Variants in KCNH5 observed in about 807,000 individuals in gnomAD.
KCNH5 encodes voltage-gated delayed rectifier potassium channel KCNH5.
Under a neutral mutation model 96.1 loss-of-function variants are expected in KCNH5, and 46 were observed. The ratio of observed to expected loss-of-function variants is 0.48; its 90% CI spans 0.38 to 0.61. The LOEUF (loss-of-function observed/expected upper bound fraction) is 0.61. Ranked by LOEUF, KCNH5 falls within the 20% of genes least tolerant of loss-of-function variation. KCNH5 has a pLI of 0.00. For missense variants in KCNH5, 907 were observed against 1,225.8 expected (o/e 0.74, Z 3.88); for synonymous variants, 439 against 449.8 (o/e 0.98, Z 0.30).
intron 10 of KCNH5, among the ~76,000 whole-genome samples, chr14:62,732,270 C>T (rs191051302): frequency 1.3e-5 from 2 of 152,256 alleles, no homozygotes; most frequent in East Asian, 1.9e-4. Flanking sequence ...TGAACACAAC[C>T]GTGCTTCTTT....
chr14:63,018,114 G>T (rs528102847), intron 1 of KCNH5, among the ~76,000 whole-genome samples: 1 of 152,078 alleles, frequency 6.6e-6, no homozygotes, highest in Non-Finnish European at 1.5e-5. Flanking sequence ...TCTGTTTGAA[G>T]CCACTAGGAA....
intron 7 of KCNH5, among the ~76,000 whole-genome samples, chr14:62,902,882 C>A (rs1888956678): frequency 6.6e-6 from 1 of 151,870 alleles, no homozygotes; most frequent in South Asian, 2.1e-4. Context: ...CCACCCCTGG[C>A]TAATTTTTTG....
chr14:62,806,347 C>T (rs1374152912), intron 8 of KCNH5, among the ~76,000 whole-genome samples: 2 of 152,074 alleles, frequency 1.3e-5, no homozygotes, highest in African/African-American at 2.4e-5. Context: ...GTGGACTTGA[C>T]CTGAATTCTC....
intron 7 of KCNH5, among the ~76,000 whole-genome samples, chr14:62,939,679 C>T (rs143232574): frequency 1.3e-5 from 2 of 152,278 alleles, no homozygotes; most frequent in African/African-American, 4.8e-5. Flanking sequence ...GTGGCTCATG[C>T]CTGTAATCTC....
chr14:62,864,921 C>T (rs922084684), intron 7 of KCNH5, among the ~76,000 whole-genome samples: 3 of 152,146 alleles, frequency 2.0e-5, no homozygotes, highest in African/African-American at 7.2e-5. Context: ...CATTGGGGCA[C>T]ATGAGAGGCT....
intron 6 of KCNH5, among the ~76,000 whole-genome samples, chr14:62,956,821 G>A (rs1185333337): frequency 6.6e-6 from 1 of 152,080 alleles, no homozygotes; most frequent in Admixed American, 6.6e-5. Context: ...CCCTTCTTAT[G>A]TACTTCTGCC....
chr14:62,912,028 A>T (rs1889167483), intron 7 of KCNH5, among the ~76,000 whole-genome samples: 1 of 126,270 alleles, frequency 7.9e-6, no homozygotes. Flanking sequence ...ACAGAGCGAG[A>T]CTCCTAATCA....
chr14:62,796,350 A>C (rs1886540702), intron 9 of KCNH5, among the ~76,000 whole-genome samples: 1 of 152,174 alleles, frequency 6.6e-6, no homozygotes, highest in Admixed American at 6.6e-5. Context: ...CTTAAAATAG[A>C]ATCTTAATTC....
At chr14:62,784,706 T>C (rs1886285949) in intron 9 of KCNH5, among the ~76,000 whole-genome samples, 1 of 152,192 alleles carries the variant, frequency 6.6e-6, no homozygotes, top group Non-Finnish European at 1.5e-5. Context: ...AATTTCTTCT[T>C]ACCAATATGG....
At chr14:62,838,089 G>T (rs1354929530) in intron 8 of KCNH5, among the ~76,000 whole-genome samples, 1 of 152,044 alleles carries the variant, frequency 6.6e-6, no homozygotes, top group African/African-American at 2.4e-5. Flanking sequence ...TTCTTCCTTG[G>T]CACCAAAAAT....
intron 8 of KCNH5, among the ~76,000 whole-genome samples, chr14:62,841,307 G>A (rs558455848): frequency 7.9e-5 from 12 of 152,134 alleles, no homozygotes; most frequent in East Asian, 5.8e-4. Flanking sequence ...AAAAAGTCTC[G>A]GAAGCATTAT....
intron 10 of KCNH5, among the ~76,000 whole-genome samples, chr14:62,731,987 G>C (rs1323263773): frequency 6.6e-6 from 1 of 152,174 alleles, no homozygotes; most frequent in Non-Finnish European, 1.5e-5. Flanking sequence ...AGAAACTCTA[G>C]CCATCAATAG....
intron 4 of KCNH5, among the ~76,000 whole-genome samples, chr14:62,999,108 C>T (rs1371170481): frequency 1.3e-5 from 2 of 152,146 alleles, no homozygotes. Context: ...GAGGAATCGC[C>T]ACACTGACTT....
intron 7 of KCNH5, among the ~76,000 whole-genome samples, chr14:62,891,689 CA>C (rs773277370): frequency 1.3e-4 from 20 of 152,146 alleles, no homozygotes; most frequent in African/African-American, 2.4e-5. Flanking sequence ...CTGCATCAAG[CA>C]AGTCTATTGA....
intron 10 of KCNH5, among the ~76,000 whole-genome samples, chr14:62,735,805 G>A (rs1464877135): frequency 6.6e-6 from 1 of 152,154 alleles, no homozygotes; most frequent in Non-Finnish European, 1.5e-5. Context: ...ATGGTTATTA[G>A]GATGGACCCT....
intron 3 of KCNH5, 50 bp downstream of exon 3, chr14:63,006,316 A>G: frequency 8.6e-7 from 1 of 1,169,306 alleles, no homozygotes; most frequent in South Asian, 1.3e-5. Flanking sequence ...CTTACCAAAC[A>G]TAATATTAAT....
At chr14:62,970,700 G>A (rs926808536) in intron 6 of KCNH5, among the ~76,000 whole-genome samples, 1 of 152,092 alleles carries the variant, frequency 6.6e-6, no homozygotes, top group South Asian at 2.1e-4. Context: ...TGCAACATTT[G>A]AGAGTCAGTT....
chr14:62,941,744 T>C (rs1450494578), intron 7 of KCNH5, among the ~76,000 whole-genome samples: 1 of 152,182 alleles, frequency 6.6e-6, no homozygotes, highest in Non-Finnish European at 1.5e-5. Flanking sequence ...AACATGTAAC[T>C]TAATATTATA....
intron 10 of KCNH5, among the ~76,000 whole-genome samples, chr14:62,739,553 G>T (rs1450719472): frequency 6.6e-6 from 1 of 151,972 alleles, no homozygotes; most frequent in African/African-American, 2.4e-5. Flanking sequence ...AGAGATTATT[G>T]GTCAACATAC....
Sources: gnomAD v4.1 joint callset for allele counts (sites outside exome capture counted in the v4.1 genomes callset) on GRCh38, gnomAD v4.1.1 for gene constraint, MANE v1.5 for transcripts, NCBI Gene and HGNC (gene_info 2026-07-23, HGNC 2026-07-21) for gene names.